Variants in RASSF3 observed in about 807,000 individuals in gnomAD.
RASSF3 encodes the protein ras association domain-containing protein 3.
A neutral mutation model predicts 19.9 loss-of-function variants in RASSF3; 19 were observed. The observed-to-expected ratio is 0.96, with a 90% CI of 0.67 to 1.40. The LOEUF (loss-of-function observed/expected upper bound fraction) is 1.40, where lower values mean the gene tolerates loss of function less well. Among genes scored for constraint, RASSF3 ranks in the 40% most tolerant of loss-of-function variants. RASSF3 has a pLI of 0.00. For synonymous variants in RASSF3, 110 were observed against 104.2 expected (o/e 1.06, Z -0.34); for missense variants, 306 against 289.8 (o/e 1.06, Z -0.41).
At chr12:64,627,154 T>TA (rs1402648418) in intron 1 of RASSF3, among the ~76,000 whole-genome samples, 12 of 152,216 alleles carry the variant, frequency 7.9e-5, no homozygotes, top group Non-Finnish European at 1.3e-4. Context: ...TAGAGACTAC[T>TA]AAAAAATGGT....
chr12:64,640,686 A>G (rs1168459620), intron 1 of RASSF3, among the ~76,000 whole-genome samples: 1 of 152,054 alleles, frequency 6.6e-6, no homozygotes, highest in Non-Finnish European at 1.5e-5. Flanking sequence ...TCTGTTACCC[A>G]TGCTGGAGTG....
intron 1 of RASSF3, among the ~76,000 whole-genome samples, chr12:64,670,518 A>T (rs1319085096): frequency 6.6e-6 from 1 of 150,490 alleles, no homozygotes. Context: ...ACTATTTGTC[A>T]TACTGGATAC....
At chr12:64,637,519 T>A (rs12304348) in intron 1 of RASSF3, among the ~76,000 whole-genome samples, 7,719 of 150,696 alleles carry the variant, frequency 0.051, 679 homozygotes, top group African/African-American at 0.18. Context: ...AACCTCTGAC[T>A]GCTGGGTTCC....
At chr12:64,525,939 G>A (rs1349171956) in intron 1 of RASSF3, among the ~76,000 whole-genome samples, 1 of 152,136 alleles carries the variant, frequency 6.6e-6, no homozygotes, top group African/African-American at 2.4e-5. Flanking sequence ...AGTCTCAAGT[G>A]GGAGTGACAA....
At chr12:64,631,446 G>T (rs933266806) in intron 1 of RASSF3, among the ~76,000 whole-genome samples, 4 of 152,144 alleles carry the variant, frequency 2.6e-5, no homozygotes, top group Non-Finnish European at 5.9e-5. Flanking sequence ...GTGCTCTTCC[G>T]TGAGGCTTGT....
intron 2 of RASSF3, among the ~76,000 whole-genome samples, chr12:64,561,843 C>T (rs896740336): frequency 6.6e-6 from 1 of 151,446 alleles, no homozygotes; most frequent in Non-Finnish European, 1.5e-5. Flanking sequence ...CAGGCGAGCC[C>T]AACCACGCCT....
intron 2 of RASSF3, among the ~76,000 whole-genome samples, chr12:64,584,445 A>G (rs1233221406): frequency 6.8e-6 from 1 of 147,278 alleles, no homozygotes; most frequent in Non-Finnish European, 1.5e-5. Flanking sequence ...TGTCTCTCTC[A>G]TCCACTTTTT....
At chr12:64,582,206 C>G (rs1389202629) in intron 2 of RASSF3, among the ~76,000 whole-genome samples, 2 of 152,102 alleles carry the variant, frequency 1.3e-5, no homozygotes, top group African/African-American at 4.8e-5. Context: ...GTCAAAGATC[C>G]CCTAACCAAA....
In RASSF3 at chr12:64,596,741, T is replaced by A. The variant is rs144150597; in HGVS notation, c.294+55036T>A. Among the ~76,000 whole-genome samples the A allele has an allele frequency of 3.5e-3, 531 of 152,160 alleles. 1 individual carries two copies. Among genetic ancestry groups the A allele is most frequent in the African/African-American group, 0.012 (503 of 41,512 alleles). On this transcript the variant is annotated intron_variant, in intron 2 of 5. Transcript: ENST00000637125. Reference sequence around the variant, plus strand: ...AACTCTTCAGTATATATATATATATTTTTTTGAGACGGAGTTTTGCTCTTG... The same window carrying A: ...AACTCTTCAGTATATATATATATATATTTTTGAGACGGAGTTTTGCTCTTG...
intron 1 of RASSF3, chr12:64,515,742 C>T (rs944009535): frequency 2.0e-5 from 3 of 151,998 alleles, no homozygotes; most frequent in African/African-American, 4.8e-5. Context: ...CCAGCCAGGT[C>T]ACGAACTCCT....
In RASSF3 at chr12:64,696,111, CTCCCTCCCTCCT is replaced by C. The variant is rs1191474740; in HGVS notation, c.*1210_*1221del. The stretch of plus-strand genomic sequence containing the variant: ...CCTCCCTCCCTCCCTCCCTCCCTCC[CTCCCTCCCTCCT>C]TCCCTCCCTCTCTCTCCCTCTCCCT... On this transcript the variant is annotated 3_prime_UTR_variant, in exon 5 of 5. Coordinates refer to ENST00000542104, the MANE Select transcript of RASSF3 (RefSeq NM_178169.4). The C allele has an allele frequency of 7.3e-5, 10 of 137,574 alleles. No homozygotes were observed. The highest frequency in any genetic ancestry group is 1.7e-4 in the African/African-American group (6 of 35,798). 8.5% of individuals were successfully genotyped at this position (137,574 alleles called of 1,614,324 possible).
At chr12:64,668,271 C>CTT (rs369487530) in intron 1 of RASSF3, among the ~76,000 whole-genome samples, 1 of 147,146 alleles carries the variant, frequency 6.8e-6, no homozygotes, top group African/African-American at 2.5e-5. Context: ...TCTTCTTCTT[C>CTT]TTTTTTTTTT....
chr12:64,622,701 C>T (rs889278547), intron 1 of RASSF3: 1 of 252,488 alleles, frequency 4.0e-6, no homozygotes, highest in African/African-American at 2.4e-5. Flanking sequence ...ATCTTTTTAT[C>T]AAGTGAATCT....
At chr12:64,662,208 T>C (rs1872391897) in intron 1 of RASSF3, among the ~76,000 whole-genome samples, 1 of 149,562 alleles carries the variant, frequency 6.7e-6, no homozygotes. Context: ...TTCTTGAGTC[T>C]AGGAATTTGA....
rs59308298 is a variant in RASSF3 at position 64,550,820 on chromosome 12, C to CAAAAAAAAAAA, written c.294+9118_294+9128dup. Among the ~76,000 whole-genome samples, 43 of 75,784 alleles carry CAAAAAAAAAAA rather than the reference C, an allele frequency of 5.7e-4. 1 individual carries two copies. The highest frequency in any genetic ancestry group is 1.8e-3 in the African/African-American group (33 of 18,032). 49.7% of individuals were successfully genotyped at this position (75,784 alleles called of 152,430 possible). A position where few individuals can be genotyped will look rare whatever the true frequency, so the allele number is the denominator to read the frequency against. ...TGAGAGAGGGAGAGAGACTCCATCT[C>CAAAAAAAAAAA]AAAAAAAAAAAAAGAAAGAAAGAAA... is the stretch of plus-strand genomic sequence containing the variant. On this transcript the variant is annotated intron_variant, in intron 2 of 5. Coordinates refer to the RASSF3 transcript ENST00000637125.
chr12:64,678,641 G>A (rs1271134688), intron 1 of RASSF3, among the ~76,000 whole-genome samples: 1 of 41,126 alleles, frequency 2.4e-5, no homozygotes, highest in East Asian at 5.5e-4. Context: ...AAAGAGATCC[G>A]TAATACCAAA....
intron 1 of RASSF3, among the ~76,000 whole-genome samples, chr12:64,670,125 C>T (rs1872651441): frequency 6.6e-6 from 1 of 151,832 alleles, no homozygotes; most frequent in South Asian, 2.1e-4. Flanking sequence ...TATCTAGCAG[C>T]TTCCACGTGT....
intron 2 of RASSF3, among the ~76,000 whole-genome samples, chr12:64,589,131 A>C (rs1168717701): frequency 6.6e-6 from 1 of 152,238 alleles, no homozygotes; most frequent in African/African-American, 2.4e-5. Flanking sequence ...TTAATGTGGC[A>C]GCCAACTCTC....
chr12:64,685,369 C>T (rs773751676), intron 2 of RASSF3, among the ~76,000 whole-genome samples: 4 of 152,240 alleles, frequency 2.6e-5, no homozygotes, highest in East Asian at 1.9e-4. Flanking sequence ...CTCAGCCTCC[C>T]GAGTAGCTGG....
Sources: allele counts gnomAD v4.1 joint callset (sites outside exome capture counted in the v4.1 genomes callset), GRCh38; gene constraint gnomAD v4.1.1; transcripts MANE v1.5; gene names NCBI Gene and HGNC (gene_info 2026-07-23, HGNC 2026-07-21).